Variants in FASTKD1 observed in about 807,000 individuals in gnomAD.
FASTKD1 encodes FAST kinase domain-containing protein 1, mitochondrial.
In FASTKD1, 94 loss-of-function variants were observed where a neutral mutation model predicts 90.9. The ratio of observed to expected loss-of-function variants is 1.03; its 90% confidence interval spans 0.88 to 1.23. FASTKD1 has a LOEUF of 1.23. FASTKD1 is among the 50% of genes most tolerant of loss of function. The probability of loss-of-function intolerance (pLI) is 0.00; values close to 1 mark genes in which losing one functional copy is unlikely to be tolerated. For synonymous variants in FASTKD1, 319 were observed against 345.8 expected (o/e 0.92, Z 0.86); for missense variants, 945 against 993.5 (o/e 0.95, Z 0.66).
At chr2:169,538,211 T>C in intron 10 of FASTKD1, 70 bp from the exon 11 acceptor site, 1 of 1,315,824 alleles carries the variant, frequency 7.6e-7, no homozygotes, top group Non-Finnish European at 1.1e-6. Context: ...TTTTTTCACA[T>C]TCATTTATCC....
Position 169,572,103 on chromosome 2 carries a change from A to T in FASTKD1, c.-74T>A. On this transcript the variant is annotated 5_prime_UTR_variant, in exon 2 of 15. Coordinates refer to ENST00000453153, the MANE Select transcript of FASTKD1 (RefSeq NM_024622.6). ...TCAGGTGCAATAAGCAGGGATACAA[A>T]TAACAGTTTTTCCTTCATGTATTTT... 6.7e-7 allele frequency: 1 copy of T among 1,499,674 alleles called. No individual in the cohort carries two copies. Among genetic ancestry groups the T allele is most frequent in the Non-Finnish European group, 8.9e-7 (1 of 1,128,312 alleles). 92.9% of individuals were successfully genotyped at this position (1,499,674 alleles called of 1,614,324 possible).
At chr2:169,564,340 GAC>G (rs1189781777) in intron 3 of FASTKD1, among the ~76,000 whole-genome samples, 1 of 151,926 alleles carries the variant, frequency 6.6e-6, no homozygotes, top group African/African-American at 2.4e-5. Context: ...ATGTTTTTAA[GAC>G]ACAGTGTCTC....
At chr2:169,571,093 A>C (rs1227078977) in intron 2 of FASTKD1, 3 of 152,844 alleles carry the variant, frequency 2.0e-5, no homozygotes, top group African/African-American at 7.2e-5. Context: ...ATAGTATTAC[A>C]GTTGTTAAAG....
chr2:169,562,875 T>C (rs1683771684), intron 4 of FASTKD1, among the ~76,000 whole-genome samples: 1 of 152,164 alleles, frequency 6.6e-6, no homozygotes. Context: ...ACTCTGCTAC[T>C]GCTATTGCTA....
Position 169,544,719 on chromosome 2 carries a change from A to T in FASTKD1, c.1816+2T>A. ...CAATGTATTACCAAACAATATACCT[A>T]CCTAAGTAAGAATTAAGATGTTGCA... On this transcript the variant is annotated splice_donor_variant, in intron 9 of 14. Transcript: ENST00000453153. LOFTEE classifies it high-confidence loss of function. 1 of 1,526,942 alleles carries T rather than the reference A, an allele frequency of 6.5e-7. No individual in the cohort carries two copies. Among genetic ancestry groups the T allele is most frequent in the Non-Finnish European group, 9.1e-7 (1 of 1,101,660 alleles). 94.6% of individuals were successfully genotyped at this position (1,526,942 alleles called of 1,614,324 possible).
At chr2:169,540,473 C>T (rs1467939983) in intron 9 of FASTKD1, among the ~76,000 whole-genome samples, 4 of 151,942 alleles carry the variant, frequency 2.6e-5, no homozygotes, top group East Asian at 3.9e-4. Context: ...TAAAGTTATA[C>T]GAACATTTGT....
At chr2:169,556,235 G>A (rs1683299568) in intron 6 of FASTKD1, among the ~76,000 whole-genome samples, 1 of 151,858 alleles carries the variant, frequency 6.6e-6, no homozygotes, top group South Asian at 2.1e-4. Context: ...CCAGGAGTTG[G>A]AGACCAGCCT....
chr2:169,553,818 A>C (rs1438108531), intron 7 of FASTKD1, among the ~76,000 whole-genome samples: 1 of 152,086 alleles, frequency 6.6e-6, no homozygotes, highest in African/African-American at 2.4e-5. Flanking sequence ...GCTGCTCAGG[A>C]GGCTGAGGCA....
At chr2:169,544,302 G>T (rs1252529138) in intron 9 of FASTKD1, among the ~76,000 whole-genome samples, 1 of 152,142 alleles carries the variant, frequency 6.6e-6, no homozygotes. Flanking sequence ...GGGCGCAGTG[G>T]CTCACACCTG....
At chr2:169,566,139 C>T (rs1683969003) in intron 3 of FASTKD1, among the ~76,000 whole-genome samples, 2 of 152,148 alleles carry the variant, frequency 1.3e-5, no homozygotes, top group Admixed American at 6.6e-5. Context: ...TCTCGCTTCA[C>T]TTTGTTGATT....
chr2:169,531,112 T>C (rs1295365981), intron 13 of FASTKD1: 1 of 734,282 alleles, frequency 1.4e-6, no homozygotes, highest in Admixed American at 1.7e-5. Flanking sequence ...AAGATACTAT[T>C]TTACTTCCAG....
intron 7 of FASTKD1, among the ~76,000 whole-genome samples, chr2:169,548,672 C>T (rs1012109959): frequency 4.6e-5 from 6 of 129,212 alleles, no homozygotes; most frequent in African/African-American, 1.8e-4. Flanking sequence ...GCGGAGGTTG[C>T]AGTGAGCCGA....
chr2:169,568,722 T>C (rs2105439973), intron 3 of FASTKD1, among the ~76,000 whole-genome samples: 1 of 149,824 alleles, frequency 6.7e-6, no homozygotes, highest in South Asian at 2.1e-4. Context: ...AAGACATGGC[T>C]GGGAGCGGTG....
In FASTKD1 at chr2:169,557,305, C is replaced by T; in HGVS notation, c.972-8G>A. The T allele has an allele frequency of 8.5e-7, 1 of 1,181,050 alleles. No individual in the cohort carries two copies. The highest frequency in any genetic ancestry group is 1.6e-5 in the South Asian group (1 of 61,740). The allele number at this position is 1,181,050 out of a possible 1,614,324, so 73.2% of individuals were successfully genotyped here. A position where few individuals can be genotyped will look rare whatever the true frequency, so the allele number is the denominator to read the frequency against. On this transcript the variant is annotated splice_region_variant and splice_polypyrimidine_tract_variant and intron_variant, in intron 5 of 14. Coordinates refer to ENST00000453153, the MANE Select transcript of FASTKD1 (RefSeq NM_024622.6). ...AACATAGTTGATTTAAGTCTAGAAGCAAAAAAAAAAAAGTTTTTGGTTGAA... is the reference window on the plus strand; with the variant it reads ...AACATAGTTGATTTAAGTCTAGAAGTAAAAAAAAAAAAGTTTTTGGTTGAA...
At chr2:169,550,814 G>A (rs943166546) in intron 7 of FASTKD1, among the ~76,000 whole-genome samples, 4 of 152,004 alleles carry the variant, frequency 2.6e-5, no homozygotes, top group Admixed American at 2.6e-4. Context: ...ACACAACCAG[G>A]CACTTAGTTA....
intron 7 of FASTKD1, among the ~76,000 whole-genome samples, chr2:169,549,046 G>C: frequency 6.6e-6 from 1 of 151,970 alleles, no homozygotes. Flanking sequence ...GCAGTGAGCC[G>C]AGATGGCACC....
chr2:169,568,790 G>C (rs1294899427), intron 3 of FASTKD1, among the ~76,000 whole-genome samples: 1 of 151,802 alleles, frequency 6.6e-6, no homozygotes, highest in East Asian at 1.9e-4. Context: ...CACGAGGTCA[G>C]GAGTTCAAGA....
At chr2:169,550,207 T>G (rs1685426136) in intron 7 of FASTKD1, among the ~76,000 whole-genome samples, 1 of 152,114 alleles carries the variant, frequency 6.6e-6, no homozygotes, top group Non-Finnish European at 1.5e-5. Context: ...GAAAACAATC[T>G]AAATAATGAG....
In FASTKD1 at chr2:169,557,298, C is replaced by T. The variant is rs1190905581; in HGVS notation, c.972-1G>A. 6.5e-7 allele frequency: 1 copy of T among 1,526,726 alleles called. No individual in the cohort carries two copies. The highest frequency in any genetic ancestry group is 2.3e-5 in the East Asian group (1 of 42,700). The allele number at this position is 1,526,726 out of a possible 1,614,324, so 94.6% of individuals were successfully genotyped here. On this transcript the variant is annotated splice_acceptor_variant, in intron 5 of 14. Transcript: ENST00000453153. LOFTEE classifies it high-confidence loss of function. ...CATCAATAACATAGTTGATTTAAGT[C>T]TAGAAGCAAAAAAAAAAAAGTTTTT... is the stretch of plus-strand genomic sequence containing the variant.
Sources: gnomAD v4.1 joint callset for allele counts (sites outside exome capture counted in the v4.1 genomes callset) on GRCh38, gnomAD v4.1.1 for gene constraint, MANE v1.5 for transcripts, NCBI Gene and HGNC (gene_info 2026-07-23, HGNC 2026-07-21) for gene names.